The following TCTN3 variants were observed in gnomAD, a reference collection of about 807,000 sequenced individuals.
TCTN3 encodes tectonic family member 3.
A neutral mutation model predicts 71.3 loss-of-function variants in TCTN3; 57 were observed. The observed-to-expected ratio is 0.80, with a 90% CI of 0.65 to 1.00. The LOEUF is 1.00. TCTN3 is among the 50% of genes least tolerant of loss of function. The probability of loss-of-function intolerance (pLI) is 0.00; values close to 1 mark genes in which losing one functional copy is unlikely to be tolerated. For synonymous variants in TCTN3, 258 were observed against 267.8 expected, an observed-to-expected ratio of 0.96 and a Z score of 0.36; for missense variants, 696 against 719.9, an observed-to-expected ratio of 0.97 and a Z score of 0.38.
intron 13 of TCTN3, among the ~76,000 whole-genome samples, chr10:95,679,868 G>A (rs2087058615): frequency 6.6e-6 from 1 of 152,112 alleles, no homozygotes; most frequent in Non-Finnish European, 1.5e-5. Flanking sequence ...GGGATTACAG[G>A]CGTGAGCCAC....
chr10:95,677,523 A>G (rs1352980857), intron 13 of TCTN3, among the ~76,000 whole-genome samples: 1 of 48,346 alleles, frequency 2.1e-5, no homozygotes, highest in Non-Finnish European at 5.0e-5. Flanking sequence ...CCTCTATTTT[A>G]TTGTTTGTCC....
At position 95,663,737 on chromosome 10, in the gene TCTN3, G is replaced by A. The variant is rs917299398; in HGVS notation, c.*330C>T. 2.1e-5 allele frequency: 5 copies of A among 237,026 alleles called. No individual in the cohort carries two copies. The highest frequency in any genetic ancestry group is 1.5e-4 in the Admixed American group (3 of 19,880). 14.7% of individuals were successfully genotyped at this position (237,026 alleles called of 1,614,324 possible). On this transcript the variant is annotated 3_prime_UTR_variant, in exon 14 of 14. Coordinates refer to ENST00000371217, the MANE Select transcript of TCTN3 (RefSeq NM_015631.6). The stretch of plus-strand genomic sequence containing the variant: ...CTGCTTGGCCCAACTGTGCCTGAGG[G>A]CTGATGGATCCAGACCTTGTAAACA...
At chr10:95,685,753 CTCT>C in intron 7 of TCTN3, 117 bp from the exon 8 acceptor site, 1 of 728,696 alleles carries the variant, frequency 1.4e-6, no homozygotes, top group Non-Finnish European at 2.3e-6. Context: ...CCCTCTCTCT[CTCT>C]TCTTCCAGTG....
Position 95,686,503 on chromosome 10 carries a change from T to A in TCTN3, c.880A>T (p.Asn294Tyr), listed in dbSNP as rs569236496. 6.2e-7 allele frequency: 1 copy of A among 1,614,132 alleles called. No individual in the cohort carries two copies. Among genetic ancestry groups the A allele is most frequent in the East Asian group, 2.2e-5 (1 of 44,888 alleles). Reference sequence around the variant, plus strand: ...GTACAACAGCATCATACCTCCATATTCTGTGGATCAGTCATGCTTCTTGGA... The same window carrying A: ...GTACAACAGCATCATACCTCCATATACTGTGGATCAGTCATGCTTCTTGGA... Reference protein sequence around the residue: ...KVPRSMTDPQNMEFQVPVILT... With the variant: ...KVPRSMTDPQYMEFQVPVILT... The change falls in exon 7 of 14, where the codon AAT becomes TAT. Residue 294 changes from asparagine to tyrosine, a missense_variant. By Grantham distance (143) the Asn-to-Tyr change is moderately radical (BLOSUM62 -2). Coordinates refer to ENST00000371217, the MANE Select transcript of TCTN3 (RefSeq NM_015631.6).
At chr10:95,676,591 T>G (rs1274589244) in intron 13 of TCTN3, among the ~76,000 whole-genome samples, 1 of 152,136 alleles carries the variant, frequency 6.6e-6, no homozygotes, top group African/African-American at 2.4e-5. Context: ...TCATAAAACT[T>G]TTGTGTCTAT....
chr10:95,692,897 A>C (rs761165425), intron 3 of TCTN3, 23 bp downstream of exon 3: 3 of 1,547,912 alleles, frequency 1.9e-6, no homozygotes, highest in Non-Finnish European at 2.7e-6. Context: ...GAAAATGAGA[A>C]CAACCAACAT....
Position 95,663,991 on chromosome 10 carries a change from G to A in TCTN3, c.*76C>T. ...TGCTCTCTGGTCATGAGCAGGTGAGGTTCTATTTAGCCAAGATAAGTGGCT... is the reference window on the plus strand; with the variant it reads ...TGCTCTCTGGTCATGAGCAGGTGAGATTCTATTTAGCCAAGATAAGTGGCT... On this transcript the variant is annotated 3_prime_UTR_variant, in exon 14 of 14. Transcript: ENST00000371217. 8.1e-7 allele frequency: 1 copy of A among 1,230,780 alleles called. No homozygotes were observed. Among genetic ancestry groups the A allele is most frequent in the Non-Finnish European group, 1.2e-6 (1 of 840,788 alleles). 76.2% of individuals were successfully genotyped at this position (1,230,780 alleles called of 1,614,324 possible).
intron 13 of TCTN3, among the ~76,000 whole-genome samples, chr10:95,677,390 T>C (rs2097938080): frequency 6.6e-6 from 1 of 150,998 alleles, no homozygotes; most frequent in Non-Finnish European, 1.5e-5. Context: ...TGATTAAAAA[T>C]ACCACTAGTA....
chr10:95,684,806 T>C (rs1163150422), intron 8 of TCTN3, among the ~76,000 whole-genome samples, 182 bp from the exon 9 acceptor site: 1 of 152,186 alleles, frequency 6.6e-6, no homozygotes, highest in Admixed American at 6.5e-5. Flanking sequence ...TATATTTGTA[T>C]ATGAAAAAGA....
Position 95,684,581 on chromosome 10 carries a change from T to G in TCTN3, c.1013A>C (p.Lys338Thr). The G allele has an allele frequency of 1.9e-6, 3 of 1,614,072 alleles. No individual in the cohort carries two copies. The highest frequency in any genetic ancestry group is 2.5e-6 in the Non-Finnish European group (3 of 1,179,934). The change falls in exon 9 of 14, where the codon AAA (lysine) becomes ACA (threonine). Residue 338 changes from lysine (K) to threonine (T), a missense_variant. Lys to Thr is a moderately conservative substitution (Grantham distance 78). Coordinates refer to ENST00000371217, the MANE Select transcript of TCTN3 (RefSeq NM_015631.6). ...GGTTTGTCCCAAACTGACAGAAACT[T>G]TCTGGATTCCAAAAGTCCCATTGGT... ...IETNGTFGIQ[K>T]VSVSLGQTNL... is the part of the protein sequence containing the mutation.
At chr10:95,684,985 A>C (rs962659026) in intron 8 of TCTN3, among the ~76,000 whole-genome samples, 9 of 152,210 alleles carry the variant, frequency 5.9e-5, no homozygotes, top group African/African-American at 2.2e-4. Flanking sequence ...TTTGAGAATT[A>C]ATAAAGATCA....
rs756342560 is a variant in TCTN3 at position 95,687,720 on chromosome 10, C to T, written c.500-1G>A. ...AGCTTCTGGAAATAGTTTAAGTTTGCTAAAATGTTTTTTAAAAGAAAAAGC... is the reference window on the plus strand; with the variant it reads ...AGCTTCTGGAAATAGTTTAAGTTTGTTAAAATGTTTTTTAAAAGAAAAAGC... On this transcript the variant is annotated splice_acceptor_variant, in intron 3 of 13. Coordinates refer to ENST00000371217, the MANE Select transcript of TCTN3 (RefSeq NM_015631.6). LOFTEE classifies it high-confidence loss of function. The T allele has an allele frequency of 6.2e-7, 1 of 1,603,114 alleles. No individual in the cohort carries two copies.
In TCTN3 at chr10:95,680,484, G is replaced by A; in HGVS notation, c.1578C>T (p.Cys526=). 1 of 1,613,896 alleles carries A rather than the reference G, an allele frequency of 6.2e-7. No homozygotes were observed. The highest frequency in any genetic ancestry group is 8.5e-7 in the Non-Finnish European group (1 of 1,179,934). ...HVSGVRFLYQ[C]QSIQDSQQVT... ...AGCCATGACTTACCTGTATAGACTG[G>A]CACTGGTATAGGAATCGAACTCCTG... Residue 526 remains cysteine, a synonymous_variant, in exon 13 of 14, where the codon TGC becomes TGT. Coordinates refer to ENST00000371217, the MANE Select transcript of TCTN3 (RefSeq NM_015631.6).
chr10:95,692,819 C>T lies in TCTN3; in HGVS notation c.499+101G>A, dbSNP rs561714877. On this transcript the variant is annotated intron_variant, in intron 3 of 13. Coordinates refer to ENST00000371217, the MANE Select transcript of TCTN3 (RefSeq NM_015631.6). ...CATCAGCTATCGTTAGTGTATTTTA[C>T]GTGTGGCCCAAGACAATTCTTCTTC... 3.2e-5 allele frequency: 26 copies of T among 824,408 alleles called. 1 individual carries two copies. The highest frequency in any genetic ancestry group is 2.1e-4 in the South Asian group (14 of 66,864). 51.1% of individuals were successfully genotyped at this position (824,408 alleles called of 1,614,324 possible).
intron 13 of TCTN3, among the ~76,000 whole-genome samples, chr10:95,673,068 A>G (rs1235621482): frequency 1.3e-5 from 2 of 152,104 alleles, no homozygotes; most frequent in Admixed American, 6.6e-5. Flanking sequence ...AGGTCTTTTT[A>G]TATTCTAGAT....
chr10:95,690,166 T>G (rs1045203491), intron 3 of TCTN3, among the ~76,000 whole-genome samples: 9 of 151,798 alleles, frequency 5.9e-5, no homozygotes, highest in Non-Finnish European at 1.3e-4. Context: ...CTATTTTTTG[T>G]AAAGACTGGG....
intron 13 of TCTN3, among the ~76,000 whole-genome samples, chr10:95,672,160 T>TGTGTGTGTGTG: frequency 7.2e-6 from 1 of 139,568 alleles, no homozygotes; most frequent in Non-Finnish European, 1.5e-5. Flanking sequence ...ATTATTATTA[T>TGTGTGTGTGTG]TGTGTGTGTG....
At chr10:95,670,537 T>TA (rs200425459) in intron 13 of TCTN3, among the ~76,000 whole-genome samples, 15 of 149,206 alleles carry the variant, frequency 1.0e-4, no homozygotes, top group African/African-American at 3.0e-4. Context: ...TTTTTGTATA[T>TA]TTTTTTTTTT....
intron 13 of TCTN3, among the ~76,000 whole-genome samples, chr10:95,670,959 G>A (rs2097930590): frequency 6.6e-6 from 1 of 152,182 alleles, no homozygotes; most frequent in South Asian, 2.1e-4. Context: ...CACTGCACCA[G>A]CCTATTGACC....
Sources: gnomAD v4.1 joint callset for allele counts (sites outside exome capture counted in the v4.1 genomes callset) on GRCh38, gnomAD v4.1.1 for gene constraint, MANE v1.5 for transcripts, NCBI Gene and HGNC (gene_info 2026-07-23, HGNC 2026-07-21) for gene names.